Variants in TRDN observed in about 807,000 individuals in gnomAD.
The protein encoded by TRDN is triadin in skeletal muscle.
Under a neutral mutation model 149.7 loss-of-function variants are expected in TRDN, and 161 were observed. The ratio of observed to expected loss-of-function variants is 1.08; its 90% CI spans 0.95 to 1.23. TRDN has a LOEUF of 1.23. TRDN is among the 50% of genes most tolerant of loss of function. The probability of loss-of-function intolerance (pLI) is 0.00; values close to 1 mark genes in which losing one functional copy is unlikely to be tolerated. For synonymous variants in TRDN, 294 were observed against 250.5 expected (o/e 1.17, Z -1.64); for missense variants, 896 against 823.5 (o/e 1.09, Z -1.08).
At chr6:123,355,926 C>T (rs1780653052) in intron 20 of TRDN, among the ~76,000 whole-genome samples, 2 of 151,620 alleles carry the variant, frequency 1.3e-5, no homozygotes, top group Non-Finnish European at 3.0e-5. Context: ...ACTTTATTTT[C>T]CAAAGTTTTG....
intron 38 of TRDN, among the ~76,000 whole-genome samples, chr6:123,249,753 G>A (rs1250481553): frequency 6.6e-6 from 1 of 152,032 alleles, no homozygotes; most frequent in African/African-American, 2.4e-5. Flanking sequence ...CATAAAGATG[G>A]AAATAATAGA....
chr6:123,553,532 T>C (rs1181615918), intron 2 of TRDN, among the ~76,000 whole-genome samples: 1 of 152,120 alleles, frequency 6.6e-6, no homozygotes, highest in African/African-American at 2.4e-5. Flanking sequence ...CGTAAACTTT[T>C]TGGTGTAAAG....
intron 1 of TRDN, among the ~76,000 whole-genome samples, chr6:123,597,974 T>C (rs1284073242): frequency 6.6e-6 from 1 of 152,076 alleles, no homozygotes; most frequent in Non-Finnish European, 1.5e-5. Context: ...TGAAGATGAC[T>C]TTAGTTCCTA....
At chr6:123,627,298 G>C (rs1258973635) in intron 1 of TRDN, among the ~76,000 whole-genome samples, 1 of 152,096 alleles carries the variant, frequency 6.6e-6, no homozygotes, top group Non-Finnish European at 1.5e-5. Context: ...CTGCAAAAAT[G>C]ATCTTCTGTT....
chr6:123,514,536 T>G (rs1457128940), intron 6 of TRDN, among the ~76,000 whole-genome samples: 1 of 151,766 alleles, frequency 6.6e-6, no homozygotes, highest in Non-Finnish European at 1.5e-5. Context: ...CTCACACATG[T>G]CCGTTCACAA....
At chr6:123,456,651 T>C (rs1371902318) in intron 10 of TRDN, among the ~76,000 whole-genome samples, 1 of 152,136 alleles carries the variant, frequency 6.6e-6, no homozygotes, top group Admixed American at 6.5e-5. Context: ...ATATTTTTTG[T>C]AGAGATAGGG....
chr6:123,501,884 A>G (rs1421177750), intron 8 of TRDN: 5 of 966,738 alleles, frequency 5.2e-6, no homozygotes, highest in African/African-American at 1.8e-5. Context: ...ATGAAATACA[A>G]TATTTGTGGC....
intron 12 of TRDN, among the ~76,000 whole-genome samples, chr6:123,421,947 CT>C (rs1213951779): frequency 2.0e-5 from 3 of 151,668 alleles, no homozygotes; most frequent in African/African-American, 7.3e-5. Context: ...GCACTTCAGC[CT>C]ACAGAGAAAG....
intron 4 of TRDN, among the ~76,000 whole-genome samples, chr6:123,536,769 A>G (rs6913381): frequency 0.56 from 85,395 of 151,470 alleles, 25,019 homozygotes; most frequent in African/African-American, 0.63. Context: ...ACTGTAGTCC[A>G]GCTACTTGGG....
intron 20 of TRDN, among the ~76,000 whole-genome samples, chr6:123,363,923 C>T (rs1267144521): frequency 6.6e-6 from 1 of 152,196 alleles, no homozygotes; most frequent in Non-Finnish European, 1.5e-5. Context: ...TAGAAACAGG[C>T]TGTAATCTAC....
chr6:123,307,660 C>G (rs1293105488), intron 24 of TRDN, among the ~76,000 whole-genome samples: 1 of 151,884 alleles, frequency 6.6e-6, no homozygotes. Context: ...TCATCTTACC[C>G]CCATGACCTT....
At chr6:123,567,602 A>G (rs1323457756) in intron 2 of TRDN, among the ~76,000 whole-genome samples, 3 of 151,284 alleles carry the variant, frequency 2.0e-5, no homozygotes, top group Non-Finnish European at 4.4e-5. Flanking sequence ...GGTCACATGG[A>G]TGGATGGCTA....
At chr6:123,260,701 A>G (rs1776737238) in intron 33 of TRDN, 63 bp from the exon 34 acceptor site, 6 of 1,301,462 alleles carry the variant, frequency 4.6e-6, no homozygotes, top group Non-Finnish European at 6.2e-6. Flanking sequence ...GAAAAAGTAT[A>G]GTTTTTTATT....
intron 10 of TRDN, among the ~76,000 whole-genome samples, chr6:123,452,732 G>A (rs62419053): frequency 0.13 from 19,773 of 151,854 alleles, 1,808 homozygotes; most frequent in South Asian, 0.28. Context: ...GTAATTCTTC[G>A]CAGAGTTAGA....
At chr6:123,486,886 G>T (rs184716924) in intron 9 of TRDN, among the ~76,000 whole-genome samples, 185 of 152,024 alleles carry the variant, frequency 1.2e-3, no homozygotes, top group African/African-American at 4.4e-3. Context: ...TACAGAATTT[G>T]TCCATATGAT....
At chr6:123,492,740 CA>C (rs953790111) in intron 9 of TRDN, among the ~76,000 whole-genome samples, 1 of 150,900 alleles carries the variant, frequency 6.6e-6, no homozygotes, top group Admixed American at 6.6e-5. Flanking sequence ...TATCAATTTC[CA>C]AAAAAAGAAA....
chr6:123,618,215 T>TG, intron 1 of TRDN, among the ~76,000 whole-genome samples: 1 of 152,312 alleles, frequency 6.6e-6, no homozygotes, highest in Non-Finnish European at 1.5e-5. Flanking sequence ...ATTCTGTACT[T>TG]GGAAGTCCAA....
At chr6:123,484,484 CAT>C (rs1477011245) in intron 9 of TRDN, among the ~76,000 whole-genome samples, 1 of 152,144 alleles carries the variant, frequency 6.6e-6, no homozygotes, top group African/African-American at 2.4e-5. Context: ...ATAAATAACA[CAT>C]AATTATTTCA....
At chr6:123,402,696 T>C (rs1308414841) in intron 12 of TRDN, among the ~76,000 whole-genome samples, 1 of 152,124 alleles carries the variant, frequency 6.6e-6, no homozygotes, top group Non-Finnish European at 1.5e-5. Flanking sequence ...TTCTGTCCCT[T>C]TAGCATAGAA....
Sources: allele counts gnomAD v4.1 joint callset (sites outside exome capture counted in the v4.1 genomes callset), GRCh38; gene constraint gnomAD v4.1.1; transcripts MANE v1.5; gene names NCBI Gene and HGNC (gene_info 2026-07-23, HGNC 2026-07-21).